The following UGT1A10 variants were observed in gnomAD, a reference collection of about 807,000 sequenced individuals.
The protein encoded by UGT1A10 is UDP glucuronosyltransferase family 1 member A10.
A neutral mutation model predicts 45.8 loss-of-function variants in UGT1A10; 49 were observed. The observed-to-expected ratio is 1.07, with a 90% CI of 0.85 to 1.36. UGT1A10 has a LOEUF of 1.36. Among genes scored for constraint, UGT1A10 ranks in the 40% most tolerant of loss-of-function variants. The probability of loss-of-function intolerance (pLI) is 0.00; values close to 1 mark genes in which losing one functional copy is unlikely to be tolerated. For missense variants in UGT1A10, 745 were observed against 668.6 expected, an observed-to-expected ratio of 1.11 and a Z score of -1.26; for synonymous variants, 284 against 249.7, an observed-to-expected ratio of 1.14 and a Z score of -1.29.
intron 1 of UGT1A10, chr2:233,648,060 G>C (rs2073646696): frequency 1.3e-6 from 2 of 1,576,038 alleles, no homozygotes; most frequent in Non-Finnish European, 1.7e-6. Context: ...GCACAGTGAA[G>C]ACTTCTTCAA....
chr2:233,649,828 G>A (rs1284804455), intron 1 of UGT1A10, among the ~76,000 whole-genome samples: 1 of 152,128 alleles, frequency 6.6e-6, no homozygotes, highest in Non-Finnish European at 1.5e-5. Flanking sequence ...GTTTGGTCTT[G>A]TCCAGTCTGC....
Position 233,720,306 on chromosome 2 carries a change from T to A in UGT1A10, c.856-46728T>A, listed in dbSNP as rs1361961474. Among the ~76,000 whole-genome samples, 4 of 152,234 alleles carry A rather than the reference T, an allele frequency of 2.6e-5. No homozygotes were observed. The Middle Eastern group carries it at 0.01, about 388-fold the overall frequency. On this transcript the variant is annotated intron_variant, in intron 1 of 4. Transcript: ENST00000344644. ...TTCTGACCAGGAGTTGGGGGTCTGG[T>A]GTATGATGTGGGGACATCGTAGAGT...
intron 1 of UGT1A10, chr2:233,719,772 T>G: frequency 6.2e-7 from 1 of 1,611,636 alleles, no homozygotes; most frequent in South Asian, 1.1e-5. Flanking sequence ...CTTCCATATC[T>G]ACTTATCTTT....
rs149894725 is a variant in UGT1A10 at position 233,704,012 on chromosome 2, G to A, written c.856-63022G>A. Among the ~76,000 whole-genome samples the A allele has an allele frequency of 1.6e-4, 24 of 151,646 alleles. No individual in the cohort carries two copies. In the South Asian group the frequency reaches 2.5e-3, roughly 16 times the overall value. ...TTCAAGCAGTTCTCCCACCTCAGCC[G>A]CCCGAGCAGCTGGAACTACAGGTGT... On this transcript the variant is annotated intron_variant, in intron 1 of 4. Coordinates refer to ENST00000344644, the MANE Select transcript of UGT1A10 (RefSeq NM_019075.4).
At position 233,761,104 on chromosome 2, in the gene UGT1A10, G is replaced by T. The variant is rs143072292; in HGVS notation, c.856-5930G>T. On this transcript the variant is annotated intron_variant, in intron 1 of 4. Transcript: ENST00000344644. Reference sequence around the variant, plus strand: ...CCCTAGGCCCATCATGCCCAATATGGTTTTTGTTGGTGGAATCAACTGCCT... The same window carrying T: ...CCCTAGGCCCATCATGCCCAATATGTTTTTTGTTGGTGGAATCAACTGCCT... 1.9e-6 allele frequency: 3 copies of T among 1,614,078 alleles called. No homozygotes were observed. In the African/African-American group the frequency reaches 4.0e-5, roughly 22 times the overall value.
chr2:233,766,907 C>G (rs1383334189), intron 1 of UGT1A10, 127 bp from the exon 2 acceptor site: 28 of 1,506,666 alleles, frequency 1.9e-5, no homozygotes, highest in African/African-American at 1.4e-5. Flanking sequence ...TAATTTTTTA[C>G]TCTATCTCAA....
In UGT1A10 at chr2:233,671,711, A is replaced by G. The variant is rs2074197533; in HGVS notation, c.855+34334A>G. 12 of 987,488 alleles carry G rather than the reference A, an allele frequency of 1.2e-5. No individual in the cohort carries two copies. The South Asian group carries it at 3.0e-4, about 25-fold the overall frequency. The allele number at this position is 987,488 out of a possible 1,614,324, so 61.2% of individuals were successfully genotyped here. A position where few individuals can be genotyped will look rare whatever the true frequency, so the allele number is the denominator to read the frequency against. ...ATGTTCTGCCCCCAAGGCAAAGACC[A>G]TAAGCTACTGTTGTCTGGAAAACAT... On this transcript the variant is annotated intron_variant, in intron 1 of 4. Coordinates refer to ENST00000344644, the MANE Select transcript of UGT1A10 (RefSeq NM_019075.4).
chr2:233,729,788 C>A, intron 1 of UGT1A10: 2 of 1,613,954 alleles, frequency 1.2e-6, no homozygotes, highest in Non-Finnish European at 1.7e-6. Context: ...CTGGCCCTGT[C>A]CTACATTTGC....
chr2:233,686,492 C>A (rs2074791571), intron 1 of UGT1A10, among the ~76,000 whole-genome samples: 1 of 152,052 alleles, frequency 6.6e-6, no homozygotes, highest in East Asian at 1.9e-4. Flanking sequence ...ACTTTCTGAA[C>A]AGGTGAGCCC....
chr2:233,734,912 C>G (rs2078584447), intron 1 of UGT1A10, among the ~76,000 whole-genome samples: 1 of 152,122 alleles, frequency 6.6e-6, no homozygotes, highest in Admixed American at 6.5e-5. Flanking sequence ...TTTACATTTG[C>G]TAAGGAGTGC....
At chr2:233,697,073 C>A (rs1315770045) in intron 1 of UGT1A10, among the ~76,000 whole-genome samples, 1 of 151,822 alleles carries the variant, frequency 6.6e-6, no homozygotes, top group Non-Finnish European at 1.5e-5. Flanking sequence ...GTTTTGGTAT[C>A]AGGGTAACAC....
intron 1 of UGT1A10, chr2:233,713,575 C>G (rs1324933073): frequency 6.2e-7 from 1 of 1,613,966 alleles, no homozygotes. Context: ...TCCTATATTC[C>G]TAGATTACTA....
rs564499823 is a variant in UGT1A10, at chr2:233,638,303, G to A, written c.855+926G>A. On this transcript the variant is annotated intron_variant, in intron 1 of 4. Coordinates refer to ENST00000344644, the MANE Select transcript of UGT1A10 (RefSeq NM_019075.4). ...TACTTTAGAAACTATTTTGTACAGG[G>A]CAATGTTTCCATTTCTACATTTAAC... Among the ~76,000 whole-genome samples the A allele has an allele frequency of 5.3e-5, 8 of 152,078 alleles. No individual in the cohort carries two copies. In the East Asian group the frequency reaches 5.8e-4, roughly 11 times the overall value.
intron 1 of UGT1A10, among the ~76,000 whole-genome samples, chr2:233,703,143 G>A (rs151103120): frequency 1.9e-3 from 287 of 152,194 alleles, no homozygotes; most frequent in Non-Finnish European, 3.1e-3. Context: ...GCTTTATTTA[G>A]ATTTTGTATT....
intron 1 of UGT1A10, chr2:233,693,349 C>T: frequency 1.2e-6 from 2 of 1,614,196 alleles, no homozygotes; most frequent in East Asian, 4.5e-5. Context: ...ACAGGAATAA[C>T]ATGATTGTTA....
chr2:233,660,939 A>G (rs2073950250), intron 1 of UGT1A10, among the ~76,000 whole-genome samples: 2 of 152,124 alleles, frequency 1.3e-5, no homozygotes, highest in Non-Finnish European at 1.5e-5. Context: ...CTTTGCTGCC[A>G]TTAAATTCTC....
chr2:233,754,399 C>T (rs1054804), intron 1 of UGT1A10: 9,950 of 333,324 alleles, frequency 0.03, 183 homozygotes, highest in African/African-American at 0.05. Flanking sequence ...CCTATCCGTG[C>T]AGTCCCAACA....
chr2:233,693,701 G>T (rs984756708), intron 1 of UGT1A10: 2 of 1,614,074 alleles, frequency 1.2e-6, no homozygotes, highest in East Asian at 2.2e-5. Flanking sequence ...TGAAGAACTC[G>T]CATCAGCTGT....
intron 1 of UGT1A10, among the ~76,000 whole-genome samples, chr2:233,639,050 C>A (rs909292177): frequency 6.6e-6 from 1 of 152,130 alleles, no homozygotes; most frequent in African/African-American, 2.4e-5. Context: ...CCTGAACCCA[C>A]GCTGAGTTTA....
Sources: gnomAD v4.1 joint callset for allele counts (sites outside exome capture counted in the v4.1 genomes callset) on GRCh38, gnomAD v4.1.1 for gene constraint, MANE v1.5 for transcripts, NCBI Gene and HGNC (gene_info 2026-07-23, HGNC 2026-07-21) for gene names.